Variants in RNF115 observed in about 807,000 individuals in gnomAD.
The protein encoded by RNF115 is ring finger protein 115, also known as E3 ubiquitin-protein ligase RNF115.
A neutral mutation model predicts 39.2 loss-of-function variants in RNF115; 31 were observed. The observed-to-expected ratio is 0.79, with a 90% CI of 0.59 to 1.07. The LOEUF is 1.07. Ranked by LOEUF, RNF115 falls within the 50% of genes least tolerant of loss-of-function variation. RNF115 has a pLI of 0.00. For synonymous variants in RNF115, 124 were observed against 131.0 expected, an observed-to-expected ratio of 0.95 and a Z score of 0.37; for missense variants, 384 against 381.7, an observed-to-expected ratio of 1.01 and a Z score of -0.05.
At chr1:145,799,555 C>A (rs145896736) in intron 1 of RNF115, among the ~76,000 whole-genome samples, 1 of 126,094 alleles carries the variant, frequency 7.9e-6, no homozygotes, top group African/African-American at 3.0e-5. Context: ...GGAAAGCTTT[C>A]GGTCTTTCAC....
At chr1:145,766,814 A>C (rs1351369673) in intron 4 of RNF115, among the ~76,000 whole-genome samples, 2 of 6,670 alleles carry the variant, frequency 3.0e-4, no homozygotes, top group Non-Finnish European at 7.0e-4. Context: ...GGGGGGGCTG[A>C]CCCCCCCACC....
At position 145,823,951 on chromosome 1, in the gene RNF115, G is replaced by T; in HGVS notation, c.-78C>A. Reference sequence around the variant, plus strand: ...GGCCGCTACCTCCCGAGCTGCAGTCGTCGCCGCCGCCGCCGCCTCGGTGCG... The same window carrying T: ...GGCCGCTACCTCCCGAGCTGCAGTCTTCGCCGCCGCCGCCGCCTCGGTGCG... On this transcript the variant is annotated 5_prime_UTR_variant, in exon 1 of 9. Transcript: ENST00000582693. 1 of 1,065,626 alleles carries T rather than the reference G, an allele frequency of 9.4e-7. No homozygotes were observed. The highest frequency in any genetic ancestry group is 3.2e-5 in the East Asian group (1 of 31,044). 66.0% of individuals were successfully genotyped at this position (1,065,626 alleles called of 1,614,324 possible).
chr1:145,789,925 T>C (rs1451746147), intron 1 of RNF115, among the ~76,000 whole-genome samples: 1 of 151,118 alleles, frequency 6.6e-6, no homozygotes, highest in Non-Finnish European at 1.5e-5. Flanking sequence ...CTCAAACTCC[T>C]GACCTCAGGC....
intron 1 of RNF115, among the ~76,000 whole-genome samples, chr1:145,798,859 T>C (rs1297878564): frequency 1.3e-5 from 2 of 152,170 alleles, no homozygotes; most frequent in Non-Finnish European, 2.9e-5. Flanking sequence ...TTACGGTTTT[T>C]AATATTCAAA....
At position 145,823,789 on chromosome 1, in the gene RNF115, C is replaced by T. The variant is rs781849682; in HGVS notation, c.85G>A (p.Val29Ile). The T allele has an allele frequency of 6.3e-6, 10 of 1,582,036 alleles. No individual in the cohort carries two copies. In the East Asian group the frequency reaches 2.2e-4, roughly 35 times the overall value. ...RFFCHFCKGE[V>I]SPKLPEYICP... ...GCTCTTACCGGTAGTTTGGGGCTGA[C>T]CTCGCCCTTGCAAAAGTGGCAGAAA... The change falls in exon 1 of 9, where the codon GTC becomes ATC. Residue 29 changes from valine (V) to isoleucine (I), a missense_variant. Val to Ile is a conservative substitution (Grantham distance 29). Coordinates refer to ENST00000582693, the MANE Select transcript of RNF115 (RefSeq NM_014455.4).
At chr1:145,795,016 CAAAAAAAAAAA>C (rs782249648) in intron 1 of RNF115, among the ~76,000 whole-genome samples, 3 of 78,300 alleles carry the variant, frequency 3.8e-5, no homozygotes, top group East Asian at 8.9e-4. Context: ...GACTCCATTT[CAAAAAAAAAAA>C]AAAAAAAAAA....
chr1:145,785,864 C>T (rs1648356652), intron 2 of RNF115, among the ~76,000 whole-genome samples: 1 of 152,176 alleles, frequency 6.6e-6, no homozygotes, highest in South Asian at 2.1e-4. Flanking sequence ...TTGTAAAAAT[C>T]ACTCCAAATG....
intron 4 of RNF115, among the ~76,000 whole-genome samples, chr1:145,764,203 T>TGC (rs1658652450): frequency 2.0e-5 from 3 of 152,160 alleles, no homozygotes; most frequent in Admixed American, 6.5e-5. Context: ...GACGGAGTCT[T>TGC]GTTCACTCAG....
chr1:145,767,933 G>A (rs1647440058), intron 4 of RNF115, among the ~76,000 whole-genome samples: 1 of 89,814 alleles, frequency 1.1e-5, no homozygotes, highest in Non-Finnish European at 2.1e-5. Context: ...GCACAGTCCA[G>A]CTTCGGCTCG....
At chr1:145,819,734 C>T (rs1650151114) in intron 1 of RNF115, among the ~76,000 whole-genome samples, 1 of 152,126 alleles carries the variant, frequency 6.6e-6, no homozygotes, top group African/African-American at 2.4e-5. Flanking sequence ...ACTGAACCAG[C>T]AGCACATTAA....
chr1:145,786,426 T>G (rs142303803), intron 2 of RNF115, among the ~76,000 whole-genome samples: 370 of 152,324 alleles, frequency 2.4e-3, no homozygotes, highest in African/African-American at 8.4e-3. Flanking sequence ...GAAAAAGATT[T>G]CGTCTTTCAT....
intron 6 of RNF115, among the ~76,000 whole-genome samples, chr1:145,750,772 A>G (rs1008934774): frequency 1.3e-5 from 2 of 152,214 alleles, no homozygotes; most frequent in African/African-American, 2.4e-5. Flanking sequence ...AGAGGCAGCA[A>G]AAGGGTTGTG....
chr1:145,813,861 CAATAT>C (rs1649841683), intron 1 of RNF115, among the ~76,000 whole-genome samples: 1 of 145,396 alleles, frequency 6.9e-6, no homozygotes. Flanking sequence ...TTTTTGGGCC[CAATAT>C]AATTCTTTGT....
At position 145,739,585 on chromosome 1, in the gene RNF115, T is replaced by C. The variant is rs887887045; in HGVS notation, c.*7281A>G. On this transcript the variant is annotated 3_prime_UTR_variant, in exon 9 of 9. Transcript: ENST00000582693. ...TTTGTCATTGGGCAAATGAATTTTT[T>C]TTTTTTTTTTTTGAGACGGAGTCTC... 6.6e-5 allele frequency: 10 copies of C among 152,466 alleles called. No homozygotes were observed. 9.4% of individuals were successfully genotyped at this position (152,466 alleles called of 1,614,324 possible). A position where few individuals can be genotyped will look rare whatever the true frequency, so the allele number is the denominator to read the frequency against.
Position 145,767,990 on chromosome 1 carries a change from C to CGTGGGG in RNF115, c.428+3715_428+3720dup, listed in dbSNP as rs1553715277. Among the ~76,000 whole-genome samples, 5 of 151,658 alleles carry CGTGGGG rather than the reference C, an allele frequency of 3.3e-5. No individual in the cohort carries two copies. In the South Asian group the frequency reaches 6.2e-4, roughly 19 times the overall value. ...CATGGCAAGAGAGGGAGAGGGAGAC[C>CGTGGGG]GTGGGGAGAGGGAGAGGGAGAGGGA... is the stretch of plus-strand genomic sequence containing the variant. On this transcript the variant is annotated intron_variant, in intron 4 of 8. Transcript: ENST00000582693.
At chr1:145,818,085 T>TA (rs1240785491) in intron 1 of RNF115, among the ~76,000 whole-genome samples, 1 of 151,484 alleles carries the variant, frequency 6.6e-6, no homozygotes, top group African/African-American at 2.4e-5. Context: ...GTCTTTTTGG[T>TA]AAAACGATTT....
chr1:145,766,436 T>C (rs2101513189), intron 4 of RNF115, among the ~76,000 whole-genome samples: 1 of 152,294 alleles, frequency 6.6e-6, no homozygotes, highest in South Asian at 2.1e-4. Flanking sequence ...CTCAATCTTT[T>C]CCTCACCTTT....
chr1:145,780,264 T>C (rs1431904622), intron 3 of RNF115, among the ~76,000 whole-genome samples: 1 of 151,138 alleles, frequency 6.6e-6, no homozygotes, highest in African/African-American at 2.4e-5. Flanking sequence ...GGTTGTTATT[T>C]TTCAGTAACT....
intron 1 of RNF115, among the ~76,000 whole-genome samples, chr1:145,790,328 C>T (rs1018246663): frequency 9.2e-5 from 14 of 151,864 alleles, no homozygotes; most frequent in Middle Eastern, 3.4e-3. Flanking sequence ...TTATTAGAGA[C>T]GGGGTTTCTC....
Sources: gnomAD v4.1 joint callset for allele counts (sites outside exome capture counted in the v4.1 genomes callset) on GRCh38, gnomAD v4.1.1 for gene constraint, MANE v1.5 for transcripts, NCBI Gene and HGNC (gene_info 2026-07-23, HGNC 2026-07-21) for gene names.